RGPD3: variants seen among roughly 807,000 people sequenced by gnomAD.
RGPD3 encodes the protein ranBP2-like and GRIP domain-containing protein 3.
Under a neutral mutation model 154.5 loss-of-function variants are expected in RGPD3, and 62 were observed. The ratio of observed to expected loss-of-function variants is 0.40; its 90% CI spans 0.33 to 0.50. The LOEUF is 0.50. Among genes scored for constraint, RGPD3 ranks in the 20% least tolerant of loss-of-function variants. RGPD3 has a pLI of 0.59. For synonymous variants in RGPD3, 308 were observed against 607.0 expected (o/e 0.51, Z 7.24); for missense variants, 919 against 1,716.8 (o/e 0.54, Z 8.21).
chr2:106,411,753 G>A (rs1676677555), intron 22 of RGPD3, among the ~76,000 whole-genome samples: 1 of 152,094 alleles, frequency 6.6e-6, no homozygotes, highest in African/African-American at 2.4e-5. Flanking sequence ...GGGAGGAGGA[G>A]GTTGCAGTGA....
intron 1 of RGPD3, among the ~76,000 whole-genome samples, chr2:106,466,371 C>T (rs1361290125): frequency 6.7e-6 from 1 of 149,354 alleles, no homozygotes; most frequent in African/African-American, 2.5e-5. Flanking sequence ...GCCGCCGGGC[C>T]GGGTCCAGGC....
intron 7 of RGPD3, among the ~76,000 whole-genome samples, chr2:106,441,951 TG>T (rs1446759400): frequency 2.2e-5 from 2 of 91,812 alleles, no homozygotes; most frequent in Non-Finnish European, 2.0e-5. Flanking sequence ...GAGGCCAAGG[TG>T]GGGGGATCAC....
chr2:106,436,065 C>A (rs1677539532), intron 12 of RGPD3, 58 bp downstream of exon 12: 1 of 1,554,904 alleles, frequency 6.4e-7, no homozygotes, highest in African/African-American at 1.4e-5. Flanking sequence ...ATAAAAAGTT[C>A]ATGATTTTAA....
At chr2:106,420,345 T>C (rs1436812706) in intron 20 of RGPD3, among the ~76,000 whole-genome samples, 2 of 151,378 alleles carry the variant, frequency 1.3e-5, no homozygotes, top group African/African-American at 2.4e-5. Context: ...GGCAAAAAAT[T>C]AGAAACAGAA....
chr2:106,405,516 C>A (rs1676488539), intron 22 of RGPD3, among the ~76,000 whole-genome samples: 1 of 151,386 alleles, frequency 6.6e-6, no homozygotes, highest in African/African-American at 2.4e-5. Flanking sequence ...ACTGGGACCA[C>A]AAGGTGTGTG....
chr2:106,409,840 T>A (rs1676615690), intron 22 of RGPD3, among the ~76,000 whole-genome samples: 1 of 150,516 alleles, frequency 6.6e-6, no homozygotes, highest in Non-Finnish European at 1.5e-5. Context: ...CTGAATTCTG[T>A]GTAATTTCTT....
chr2:106,437,456 G>A (rs1677593586), intron 9 of RGPD3, among the ~76,000 whole-genome samples: 1 of 151,810 alleles, frequency 6.6e-6, no homozygotes, highest in East Asian at 2.0e-4. Flanking sequence ...AAGTTGCAGT[G>A]AGCCAAGATT....
chr2:106,409,010 T>A (rs1323717959), intron 22 of RGPD3, among the ~76,000 whole-genome samples: 2 of 151,946 alleles, frequency 1.3e-5, no homozygotes, highest in African/African-American at 2.4e-5. Flanking sequence ...TTTAAAAAAA[T>A]ATTCTGAATG....
chr2:106,466,058 G>T (rs538921661), intron 1 of RGPD3, among the ~76,000 whole-genome samples: 137 of 152,014 alleles, frequency 9.0e-4, no homozygotes, highest in African/African-American at 3.3e-3. Context: ...GAAACCCGCC[G>T]ATACAGCACC....
intron 3 of RGPD3, among the ~76,000 whole-genome samples, 178 bp downstream of exon 3, chr2:106,457,389 T>TA (rs1279803275): frequency 1.3e-5 from 2 of 152,280 alleles, no homozygotes; most frequent in African/African-American, 4.8e-5. Context: ...GTGTTAGACT[T>TA]ACAATTTATA....
In RGPD3 at chr2:106,424,283, C is replaced by T. The variant is rs779981715; in HGVS notation, c.3684G>A (p.Ala1228=). Residue 1228 remains alanine, a synonymous_variant, in exon 20 of 23, where the codon GCG becomes GCA. Coordinates refer to ENST00000409886, the MANE Select transcript of RGPD3 (RefSeq NM_001144013.2). ...EEENKGSGTG[A]AGASDTTIKP... is the part of the protein sequence containing the mutation. ...TTATTGTTGTGTCTGAGGCACCGGC[C>T]GCACCTGTACCTGAACCCTTATTTT... The T allele has an allele frequency of 5.2e-5, 84 of 1,611,956 alleles. No homozygotes were observed. Among genetic ancestry groups the T allele is most frequent in the African/African-American group, 9.3e-5 (7 of 74,948 alleles).
rs1676461330 is a variant in RGPD3, at chr2:106,404,970, A to T, written c.*249T>A. On this transcript the variant is annotated 3_prime_UTR_variant, in exon 23 of 23. Coordinates refer to ENST00000409886, the MANE Select transcript of RGPD3 (RefSeq NM_001144013.2). ...ATGAGTTAGAGGGCTGTGGCCTGGT[A>T]TCAACACTTCAAGCTGTTGTACTTT... 1 of 601,570 alleles carries T rather than the reference A, an allele frequency of 1.7e-6. No homozygotes were observed. Among genetic ancestry groups the T allele is most frequent in the Non-Finnish European group, 2.9e-6 (1 of 340,482 alleles). 37.3% of individuals were successfully genotyped at this position (601,570 alleles called of 1,614,324 possible). A position where few individuals can be genotyped will look rare whatever the true frequency, so the allele number is the denominator to read the frequency against.
intron 20 of RGPD3, among the ~76,000 whole-genome samples, chr2:106,421,784 G>C (rs1279833248): frequency 6.6e-6 from 1 of 151,290 alleles, no homozygotes; most frequent in Non-Finnish European, 1.5e-5. Context: ...GCAGACGTTA[G>C]TGGCTAAAGA....
chr2:106,420,344 T>C (rs1278558323), intron 20 of RGPD3, among the ~76,000 whole-genome samples: 1 of 151,082 alleles, frequency 6.6e-6, no homozygotes, highest in African/African-American at 2.4e-5. Flanking sequence ...GGGCAAAAAA[T>C]TAGAAACAGA....
chr2:106,405,205 G>T lies in RGPD3; in HGVS notation c.*14C>A, dbSNP rs1469657966. The stretch of plus-strand genomic sequence containing the variant: ...ACGAAGATAGGATGCCCATCCAGAA[G>T]AACGGGAAGCATTTTATTCCTCACC... On this transcript the variant is annotated 3_prime_UTR_variant, in exon 23 of 23. Coordinates refer to ENST00000409886, the MANE Select transcript of RGPD3 (RefSeq NM_001144013.2). 6.2e-7 allele frequency: 1 copy of T among 1,609,338 alleles called. No individual in the cohort carries two copies. The highest frequency in any genetic ancestry group is 1.7e-5 in the Admixed American group (1 of 59,190).
In RGPD3 at chr2:106,415,330, C is replaced by T. The variant is rs377212984; in HGVS notation, c.5064+520G>A. Among the ~76,000 whole-genome samples, 18 of 151,758 alleles carry T rather than the reference C, an allele frequency of 1.2e-4. 1 individual carries two copies. The highest frequency in any genetic ancestry group is 5.8e-4 in the East Asian group (3 of 5,158). ...ATCTCTCTAGTTTCTAAATCTATTA[C>T]GGTTTCTTAGGAAAAGTAGGAATTA... On this transcript the variant is annotated intron_variant, in intron 21 of 22. Coordinates refer to ENST00000409886, the MANE Select transcript of RGPD3 (RefSeq NM_001144013.2).
chr2:106,405,069 C>G lies in RGPD3; in HGVS notation c.*150G>C. On this transcript the variant is annotated 3_prime_UTR_variant, in exon 23 of 23. Transcript: ENST00000409886. Reference sequence around the variant, plus strand: ...ATATATGTAAATGCAAACATATACACACTTTTTGACAAAAGAATGATGGTA... The same window carrying G: ...ATATATGTAAATGCAAACATATACAGACTTTTTGACAAAAGAATGATGGTA... The G allele has an allele frequency of 1.2e-6, 1 of 828,746 alleles. No homozygotes were observed. The highest frequency in any genetic ancestry group is 1.9e-6 in the Non-Finnish European group (1 of 522,080). The allele number at this position is 828,746 out of a possible 1,614,324, so 51.3% of individuals were successfully genotyped here.
intron 9 of RGPD3, among the ~76,000 whole-genome samples, chr2:106,438,008 T>A (rs1471838085): frequency 6.6e-6 from 1 of 152,246 alleles, no homozygotes; most frequent in Non-Finnish European, 1.5e-5. Context: ...CTTGGCTCAC[T>A]GCAACCTCCA....
intron 7 of RGPD3, among the ~76,000 whole-genome samples, chr2:106,445,187 G>T (rs1459652646): frequency 7.4e-6 from 1 of 135,200 alleles, no homozygotes; most frequent in Non-Finnish European, 1.6e-5. Context: ...TACTCGGGAG[G>T]CTGAGGCAGG....
Sources: gnomAD v4.1 joint callset for allele counts (sites outside exome capture counted in the v4.1 genomes callset) on GRCh38, gnomAD v4.1.1 for gene constraint, MANE v1.5 for transcripts, NCBI Gene and HGNC (gene_info 2026-07-23, HGNC 2026-07-21) for gene names.